NLGN1: variants seen among roughly 807,000 people sequenced by gnomAD.
NLGN1 encodes the protein neuroligin-1.
Under a neutral mutation model 65.5 loss-of-function variants are expected in NLGN1, and 12 were observed. The observed-to-expected ratio is 0.18, with a 90% CI of 0.12 to 0.30. The LOEUF is 0.30. NLGN1 is among the 10% of genes least tolerant of loss of function. The probability of loss-of-function intolerance (pLI) is 1.00; values close to 1 mark genes in which losing one functional copy is unlikely to be tolerated. For synonymous variants in NLGN1, 350 were observed against 359.5 expected (o/e 0.97, Z 0.30); for missense variants, 750 against 1,007.1 (o/e 0.74, Z 3.46).
At chr3:173,602,094 G>C (rs528739973) in intron 2 of NLGN1, among the ~76,000 whole-genome samples, 5 of 151,952 alleles carry the variant, frequency 3.3e-5, no homozygotes, top group Admixed American at 3.3e-4. Flanking sequence ...CCCTGGCCAA[G>C]GTAAAAATTA....
chr3:173,911,359 A>G (rs890729856), intron 4 of NLGN1, among the ~76,000 whole-genome samples: 9 of 152,232 alleles, frequency 5.9e-5, no homozygotes, highest in Non-Finnish European at 1.3e-4. Flanking sequence ...TTCTAAAACA[A>G]TGATCAAACT....
intron 3 of NLGN1, among the ~76,000 whole-genome samples, chr3:173,658,345 C>T (rs551255231): frequency 8.8e-4 from 134 of 151,976 alleles, no homozygotes; most frequent in African/African-American, 3.2e-3. Flanking sequence ...AATTGCTTTA[C>T]AGGAGAGAGA....
chr3:173,780,948 T>G (rs528469126), intron 3 of NLGN1, among the ~76,000 whole-genome samples: 26 of 152,090 alleles, frequency 1.7e-4, no homozygotes, highest in Non-Finnish European at 2.8e-4. Flanking sequence ...GAGACCATCA[T>G]GCCTAACACG....
intron 4 of NLGN1, among the ~76,000 whole-genome samples, chr3:174,007,174 GCA>G (rs1724606590): frequency 6.6e-6 from 1 of 152,150 alleles, no homozygotes; most frequent in Non-Finnish European, 1.5e-5. Flanking sequence ...GTGACCATCT[GCA>G]AGCCAAGAAG....
intron 4 of NLGN1, among the ~76,000 whole-genome samples, chr3:174,050,228 A>T (rs1254448984): frequency 6.6e-6 from 1 of 152,088 alleles, no homozygotes; most frequent in Non-Finnish European, 1.5e-5. Context: ...AAGTCAGGTG[A>T]CTAGTATTCA....
intron 3 of NLGN1, 87 bp from the exon 4 acceptor site, chr3:173,807,593 C>T: frequency 1.4e-6 from 2 of 1,466,254 alleles, no homozygotes; most frequent in South Asian, 2.6e-5. Flanking sequence ...ATTATGCCCT[C>T]TTTTCACTAA....
At chr3:173,404,833 G>A (rs887138781) in intron 1 of NLGN1, among the ~76,000 whole-genome samples, 4 of 152,028 alleles carry the variant, frequency 2.6e-5, no homozygotes, top group Non-Finnish European at 4.4e-5. Context: ...TTAATAGACC[G>A]TATTTTATCA....
At chr3:173,993,312 T>A (rs1345818825) in intron 4 of NLGN1, among the ~76,000 whole-genome samples, 1 of 152,202 alleles carries the variant, frequency 6.6e-6, no homozygotes, top group Non-Finnish European at 1.5e-5. Context: ...AATGTAGTTG[T>A]TCATGTTGCC....
intron 4 of NLGN1, among the ~76,000 whole-genome samples, chr3:173,937,193 G>C (rs1037214290): frequency 6.6e-6 from 1 of 152,008 alleles, no homozygotes; most frequent in Admixed American, 6.6e-5. Flanking sequence ...CTCTGAGTAA[G>C]AATATGAGCT....
chr3:174,203,353 A>G (rs900538047), intron 4 of NLGN1, among the ~76,000 whole-genome samples: 1 of 152,232 alleles, frequency 6.6e-6, no homozygotes, highest in Non-Finnish European at 1.5e-5. Context: ...ATTCGTGCAC[A>G]GAGGAAGTAT....
At chr3:173,828,811 A>T (rs982083287) in intron 4 of NLGN1, among the ~76,000 whole-genome samples, 9 of 152,046 alleles carry the variant, frequency 5.9e-5, no homozygotes, top group African/African-American at 1.9e-4. Flanking sequence ...TTAAACAGAG[A>T]TAGGAACTAG....
At chr3:174,098,433 G>C (rs1456398024) in intron 4 of NLGN1, among the ~76,000 whole-genome samples, 1 of 152,120 alleles carries the variant, frequency 6.6e-6, no homozygotes, top group East Asian at 1.9e-4. Flanking sequence ...CTAGCAAATT[G>C]GTGAGGGTAA....
chr3:173,579,719 CA>C (rs1697715322), intron 2 of NLGN1, among the ~76,000 whole-genome samples: 1 of 152,152 alleles, frequency 6.6e-6, no homozygotes, highest in South Asian at 2.1e-4. Context: ...TCTTTGTAAA[CA>C]GTCACCTTTG....
chr3:173,496,952 C>G (rs980401416), intron 2 of NLGN1, among the ~76,000 whole-genome samples: 3 of 151,724 alleles, frequency 2.0e-5, no homozygotes, highest in African/African-American at 7.3e-5. Context: ...TTACAGAGTA[C>G]CAATTACTTT....
intron 4 of NLGN1, among the ~76,000 whole-genome samples, chr3:173,961,664 T>C (rs1713594345): frequency 6.6e-6 from 1 of 152,076 alleles, no homozygotes; most frequent in Non-Finnish European, 1.5e-5. Context: ...GACAGAAGAC[T>C]CAGGGTACCT....
intron 3 of NLGN1, among the ~76,000 whole-genome samples, chr3:173,704,753 G>A (rs1324300654): frequency 6.6e-6 from 1 of 152,128 alleles, no homozygotes; most frequent in African/African-American, 2.4e-5. Flanking sequence ...TTCATAAATT[G>A]CATTCCCTTG....
intron 2 of NLGN1, among the ~76,000 whole-genome samples, chr3:173,558,068 A>G (rs570608936): frequency 2.0e-5 from 3 of 151,110 alleles, no homozygotes; most frequent in African/African-American, 7.3e-5. Flanking sequence ...ATACAGTTGC[A>G]TTGTCTTCTT....
At chr3:173,510,401 A>G (rs1010121136) in intron 2 of NLGN1, among the ~76,000 whole-genome samples, 1 of 152,190 alleles carries the variant, frequency 6.6e-6, no homozygotes, top group Non-Finnish European at 1.5e-5. Context: ...ATTGTGTAGT[A>G]TCTTCCTAGT....
At chr3:174,149,625 C>CA (rs1723956403) in intron 4 of NLGN1, among the ~76,000 whole-genome samples, 1 of 151,998 alleles carries the variant, frequency 6.6e-6, no homozygotes, top group Admixed American at 6.6e-5. Flanking sequence ...AAACTATCAC[C>CA]ACTTTATGAA....
Sources: gnomAD v4.1 joint callset for allele counts (sites outside exome capture counted in the v4.1 genomes callset) on GRCh38, gnomAD v4.1.1 for gene constraint, MANE v1.5 for transcripts, NCBI Gene and HGNC (gene_info 2026-07-23, HGNC 2026-07-21) for gene names.